Variants in APP observed in about 807,000 individuals in gnomAD.
The protein encoded by APP is amyloid-beta precursor protein.
Under a neutral mutation model 101.4 loss-of-function variants are expected in APP, and 31 were observed. That is an observed-to-expected ratio of 0.31 (90% CI 0.23 to 0.41). APP has a LOEUF of 0.41. Ranked by LOEUF, APP falls within the 10% of genes least tolerant of loss-of-function variation. The pLI, the probability that APP is intolerant of heterozygous loss-of-function variation, is 1.00. For synonymous variants in APP, 366 were observed against 364.4 expected, an observed-to-expected ratio of 1.00 and a Z score of -0.05; for missense variants, 839 against 1,003.7, an observed-to-expected ratio of 0.84 and a Z score of 2.22.
chr21:25,913,060 G>A (rs1412413247), intron 13 of APP, among the ~76,000 whole-genome samples: 1 of 152,052 alleles, frequency 6.6e-6, no homozygotes, highest in East Asian at 1.9e-4. Context: ...CACATCACTG[G>A]TTAGTTTTAT....
chr21:26,138,496 C>A (rs2062967946), intron 1 of APP, among the ~76,000 whole-genome samples: 1 of 146,918 alleles, frequency 6.8e-6, no homozygotes, highest in African/African-American at 2.6e-5. Context: ...TCAACACTAG[C>A]CTGGCCAACA....
chr21:25,923,111 G>C (rs1314447770), intron 13 of APP, among the ~76,000 whole-genome samples: 5 of 119,788 alleles, frequency 4.2e-5, no homozygotes, highest in East Asian at 2.6e-4. Context: ...ACAAACCTGA[G>C]AAAAACAAGC....
intron 13 of APP, among the ~76,000 whole-genome samples, chr21:25,924,286 G>C: frequency 0.25 from 1 of 4 alleles, no homozygotes. Flanking sequence ...AATGCTAGAT[G>C]ACGAGTTAGT....
intron 5 of APP, among the ~76,000 whole-genome samples, chr21:26,043,597 G>A (rs896377398): frequency 7.9e-5 from 12 of 152,194 alleles, no homozygotes; most frequent in African/African-American, 2.4e-4. Context: ...ACATGATGAC[G>A]TAGGTGTATG....
At chr21:25,891,923 A>G in intron 16 of APP, 55 bp from the exon 17 acceptor site, 1 of 1,532,194 alleles carries the variant, frequency 6.5e-7, no homozygotes, top group South Asian at 1.2e-5. Flanking sequence ...TATAATTTAC[A>G]ATTTATAAAC....
chr21:26,060,111 C>T (rs529421380), intron 3 of APP, among the ~76,000 whole-genome samples: 100 of 152,252 alleles, frequency 6.6e-4, no homozygotes, highest in Middle Eastern at 3.4e-3. Context: ...AGTAGTTTCT[C>T]ATAATAATAA....
intron 5 of APP, among the ~76,000 whole-genome samples, chr21:26,038,278 G>A (rs2045212690): frequency 1.3e-5 from 2 of 152,138 alleles, no homozygotes; most frequent in African/African-American, 2.4e-5. Flanking sequence ...AAGTGCTTAA[G>A]GAGCCATTAC....
At chr21:26,148,301 T>C (rs1446215472) in intron 1 of APP, among the ~76,000 whole-genome samples, 1 of 152,224 alleles carries the variant, frequency 6.6e-6, no homozygotes, top group East Asian at 1.9e-4. Context: ...CAGCCAAGGC[T>C]GTCACCAGTG....
At position 26,091,170 on chromosome 21, in the gene APP, G is replaced by A. The variant is rs1377537719; in HGVS notation, c.226-1098C>T. 2.6e-5 allele frequency among the ~76,000 whole-genome samples: 4 copies of A among 152,312 alleles called. No individual in the cohort carries two copies. The South Asian group carries it at 6.2e-4, about 24-fold the overall frequency. ...AATAACAACGAATAGAGAAGTGACG[G>A]TATAAGCAAGGGAATGATTAGAATG... On this transcript the variant is annotated intron_variant, in intron 2 of 17. Transcript: ENST00000346798.
intron 5 of APP, among the ~76,000 whole-genome samples, chr21:26,047,561 T>C (rs895009426): frequency 6.6e-6 from 1 of 152,176 alleles, no homozygotes. Context: ...AGTTAAAAAA[T>C]AAAATGGTGC....
chr21:25,938,543 T>C (rs906531600), intron 13 of APP, among the ~76,000 whole-genome samples: 3 of 152,192 alleles, frequency 2.0e-5, no homozygotes, highest in Non-Finnish European at 4.4e-5. Flanking sequence ...TAAAAACCTC[T>C]GAATGTTTAA....
chr21:26,024,451 G>A (rs1193931712), intron 5 of APP, among the ~76,000 whole-genome samples: 5 of 152,180 alleles, frequency 3.3e-5, no homozygotes, highest in African/African-American at 1.2e-4. Context: ...GACTCGTAGT[G>A]AGAGCACAGC....
chr21:25,956,634 T>C (rs999479559), intron 11 of APP, among the ~76,000 whole-genome samples: 1 of 152,224 alleles, frequency 6.6e-6, no homozygotes, highest in Non-Finnish European at 1.5e-5. Context: ...TTTGGTCATT[T>C]GGGCAAACCT....
At chr21:26,030,483 T>C (rs772253661) in intron 5 of APP, among the ~76,000 whole-genome samples, 1 of 152,228 alleles carries the variant, frequency 6.6e-6, no homozygotes, top group Non-Finnish European at 1.5e-5. Flanking sequence ...TCTGAACTTT[T>C]CTTTAAAATA....
chr21:25,974,062 A>C (rs186780694), intron 11 of APP, among the ~76,000 whole-genome samples: 3 of 152,062 alleles, frequency 2.0e-5, no homozygotes. Context: ...CTATGCCTGT[A>C]CCACTCAACA....
chr21:25,997,129 A>C, intron 8 of APP: 8 of 571,910 alleles, frequency 1.4e-5, no homozygotes, highest in Non-Finnish European at 1.6e-5. Flanking sequence ...AATAAAAAGG[A>C]AATTGGTCAG....
intron 6 of APP, among the ~76,000 whole-genome samples, chr21:26,005,629 C>A (rs2043498063): frequency 6.6e-6 from 1 of 152,112 alleles, no homozygotes; most frequent in Non-Finnish European, 1.5e-5. Context: ...AGCACTGAGA[C>A]CTGAAACACA....
intron 14 of APP, among the ~76,000 whole-genome samples, 199 bp from the exon 15 acceptor site, chr21:25,905,276 G>A (rs1240496826): frequency 1.3e-5 from 2 of 152,164 alleles, no homozygotes; most frequent in African/African-American, 4.8e-5. Context: ...ATGGCTTATC[G>A]CTATTGATGT....
chr21:26,039,005 GA>G (rs1362861200), intron 5 of APP, among the ~76,000 whole-genome samples: 1 of 152,140 alleles, frequency 6.6e-6, no homozygotes, highest in East Asian at 1.9e-4. Context: ...AGATATTTTT[GA>G]AGCAAAGATT....
Sources: allele counts gnomAD v4.1 joint callset (sites outside exome capture counted in the v4.1 genomes callset), GRCh38; gene constraint gnomAD v4.1.1; transcripts MANE v1.5; gene names NCBI Gene and HGNC (gene_info 2026-07-23, HGNC 2026-07-21).